NLK: variants seen among roughly 807,000 people sequenced by gnomAD.
NLK encodes nemo like kinase.
A neutral mutation model predicts 59.0 loss-of-function variants in NLK; 11 were observed. The observed-to-expected ratio is 0.19, with a 90% CI of 0.12 to 0.31. NLK has a LOEUF of 0.31. NLK is among the 10% of genes least tolerant of loss of function. The probability of loss-of-function intolerance (pLI) is 1.00; values close to 1 mark genes in which losing one functional copy is unlikely to be tolerated. For missense variants in NLK, 410 were observed against 661.1 expected (o/e 0.62, Z 4.16); for synonymous variants, 235 against 235.9 (o/e 1.00, Z 0.03).
At chr17:28,122,460 T>C (rs1906107440) in intron 1 of NLK, 143 bp from the exon 2 acceptor site, 1 of 782,908 alleles carries the variant, frequency 1.3e-6, no homozygotes, top group African/African-American at 1.7e-5. Flanking sequence ...TCTTTCTCAC[T>C]GACACCTTAA....
At chr17:28,077,073 C>CTTT (rs35639099) in intron 1 of NLK, among the ~76,000 whole-genome samples, 92 of 42,456 alleles carry the variant, frequency 2.2e-3, no homozygotes, top group Non-Finnish European at 2.9e-3. Context: ...CTCTTTCTTT[C>CTTT]TTTTTTTTTT....
chr17:28,068,100 C>T (rs966143403), intron 1 of NLK, among the ~76,000 whole-genome samples: 2 of 148,482 alleles, frequency 1.3e-5, no homozygotes, highest in Non-Finnish European at 3.0e-5. Flanking sequence ...GAGAGGGAGC[C>T]ACCACACTCC....
chr17:28,090,816 A>C (rs1367158273), intron 1 of NLK, among the ~76,000 whole-genome samples: 4 of 152,182 alleles, frequency 2.6e-5, no homozygotes, highest in African/African-American at 9.7e-5. Context: ...TATTGTTTTC[A>C]ATGAGAAATA....
intron 1 of NLK, among the ~76,000 whole-genome samples, chr17:28,074,998 A>G (rs935376594): frequency 6.6e-6 from 1 of 152,232 alleles, no homozygotes; most frequent in Non-Finnish European, 1.5e-5. Context: ...CTCCAAAATT[A>G]GGATGTTTCT....
chr17:28,194,388 T>C lies in NLK; in HGVS notation c.1530-194T>C, dbSNP rs1316816697. Among the ~76,000 whole-genome samples the C allele has an allele frequency of 2.0e-5, 3 of 152,344 alleles. No homozygotes were observed. In the East Asian group the frequency reaches 5.8e-4, roughly 29 times the overall value. ...TTTCAAGCCTACATATTAGCCACTA[T>C]ACCAGATTGCCTCTCCATAGATAAC... On this transcript the variant is annotated intron_variant, in intron 10 of 10. Transcript: ENST00000407008.
chr17:28,105,945 G>A (rs1475236005), intron 1 of NLK, among the ~76,000 whole-genome samples: 1 of 152,160 alleles, frequency 6.6e-6, no homozygotes, highest in African/African-American at 2.4e-5. Flanking sequence ...AATGTTTGAT[G>A]TTCCTATTGT....
At chr17:28,197,649 C>G (rs1909516824), downstream of NLK, among the ~76,000 whole-genome samples, 1 of 151,988 alleles carries the variant, frequency 6.6e-6, no homozygotes, top group South Asian at 2.1e-4. Flanking sequence ...CTATAATCAC[C>G]TACAATTTGT....
At position 28,161,183 on chromosome 17, in the gene NLK, A is replaced by G; in HGVS notation, c.668A>G (p.Gln223Arg). 6.2e-7 allele frequency: 1 copy of G among 1,605,438 alleles called. No homozygotes were observed. Among genetic ancestry groups the G allele is most frequent in the Non-Finnish European group, 8.5e-7 (1 of 1,172,146 alleles). ...EEIYVVTELM[Q>R]SDLHKIIVSP... is the part of the protein sequence containing the mutation. Reference sequence around the variant, plus strand: ...AGATATGTTGTCACAGAATTGATGCAGAGTGACCTACATAAAATTATCGTC... The same window carrying G: ...AGATATGTTGTCACAGAATTGATGCGGAGTGACCTACATAAAATTATCGTC... The change falls in exon 4 of 11, where the codon CAG becomes CGG. Residue 223 changes from glutamine to arginine, a missense_variant. Around this residue, in one of 5 missense-constraint regions of NLK, gnomAD observed 73 missense variants for 197.2 expected, o/e 0.37. Coordinates refer to ENST00000407008, the MANE Select transcript of NLK (RefSeq NM_016231.5).
At chr17:28,090,076 T>C (rs1904433346) in intron 1 of NLK, among the ~76,000 whole-genome samples, 1 of 152,346 alleles carries the variant, frequency 6.6e-6, no homozygotes, top group Admixed American at 6.5e-5. Context: ...AAATGAATCA[T>C]GCATGTTTAT....
intron 10 of NLK, among the ~76,000 whole-genome samples, chr17:28,194,046 C>G (rs1315131390): frequency 6.6e-6 from 1 of 152,138 alleles, no homozygotes. Context: ...AAATGATTAC[C>G]TATACTTCTC....
chr17:28,084,383 CT>C (rs1910443932), intron 1 of NLK, among the ~76,000 whole-genome samples: 1 of 152,080 alleles, frequency 6.6e-6, no homozygotes, highest in African/African-American at 2.4e-5. Flanking sequence ...TTAGGAAATA[CT>C]GTTTTGTTAA....
chr17:28,130,785 G>A (rs550755996), intron 2 of NLK, among the ~76,000 whole-genome samples: 13 of 152,258 alleles, frequency 8.5e-5, no homozygotes, highest in Admixed American at 3.3e-4. Flanking sequence ...GCCTTCCTCA[G>A]TTGTCAAATA....
At chr17:28,146,065 T>TC (rs1370450510) in intron 3 of NLK, among the ~76,000 whole-genome samples, 1 of 152,154 alleles carries the variant, frequency 6.6e-6, no homozygotes, top group Non-Finnish European at 1.5e-5. Context: ...TTTGCTTTTT[T>TC]CCCTGGGGAG....
chr17:28,056,578 G>A (rs1193453532), intron 1 of NLK, among the ~76,000 whole-genome samples: 1 of 152,182 alleles, frequency 6.6e-6, no homozygotes, highest in Non-Finnish European at 1.5e-5. Flanking sequence ...AGATTAATCT[G>A]TTGGTTATTT....
At chr17:28,175,714 A>G (rs1908651416) in intron 7 of NLK, among the ~76,000 whole-genome samples, 1 of 152,230 alleles carries the variant, frequency 6.6e-6, no homozygotes, top group Non-Finnish European at 1.5e-5. Flanking sequence ...TAAGGAGAAC[A>G]TAGAATAGTG....
intron 1 of NLK, among the ~76,000 whole-genome samples, chr17:28,044,793 C>G (rs1451418997): frequency 6.6e-6 from 1 of 152,140 alleles, no homozygotes; most frequent in Non-Finnish European, 1.5e-5. Flanking sequence ...TAAATTTTGT[C>G]ATTGATTTAC....
At chr17:28,163,654 CT>C in intron 5 of NLK, 26 bp downstream of exon 5, 1 of 1,357,260 alleles carries the variant, frequency 7.4e-7, no homozygotes, top group Non-Finnish European at 1.0e-6. Flanking sequence ...ATTTAAATAC[CT>C]GGGAAAAATC....
chr17:28,134,061 A>C (rs1233160545), intron 3 of NLK, among the ~76,000 whole-genome samples: 3 of 152,090 alleles, frequency 2.0e-5, no homozygotes, highest in Non-Finnish European at 4.4e-5. Flanking sequence ...AACTGCATCC[A>C]TGGATGAAAA....
At chr17:28,151,013 A>C (rs1327601978) in intron 3 of NLK, among the ~76,000 whole-genome samples, 1 of 152,146 alleles carries the variant, frequency 6.6e-6, no homozygotes, top group Non-Finnish European at 1.5e-5. Context: ...AGACCAGGAG[A>C]GGGAAGGAGC....
Sources: gnomAD v4.1 joint callset for allele counts (sites outside exome capture counted in the v4.1 genomes callset) on GRCh38, gnomAD v4.1.1 for gene constraint, gnomAD v4.1.1 regional missense constraint, MANE v1.5 for transcripts, NCBI Gene and HGNC (gene_info 2026-07-23, HGNC 2026-07-21) for gene names.